The following PLEKHA2 variants were observed in gnomAD, a reference collection of about 807,000 sequenced individuals.
PLEKHA2 encodes the protein pleckstrin homology domain-containing family A member 2.
PLEKHA2 carries 28 observed loss-of-function variants against 53.2 expected under a neutral mutation model. The observed-to-expected ratio is 0.53, with a 90% CI of 0.39 to 0.72. The LOEUF is 0.72. Ranked by LOEUF, PLEKHA2 falls within the 30% of genes least tolerant of loss-of-function variation. PLEKHA2 has a pLI of 0.00. For missense variants in PLEKHA2, 426 were observed against 537.9 expected (o/e 0.79, Z 2.06); for synonymous variants, 193 against 196.4 (o/e 0.98, Z 0.14).
intron 2 of PLEKHA2, among the ~76,000 whole-genome samples, chr8:38,933,451 G>C (rs756492197): frequency 6.6e-6 from 1 of 152,164 alleles, no homozygotes; most frequent in Non-Finnish European, 1.5e-5. Flanking sequence ...TGCATTGAAA[G>C]TCAGCTTTGG....
At chr8:38,929,012 A>G (rs1046521889) in intron 2 of PLEKHA2, among the ~76,000 whole-genome samples, 3 of 152,190 alleles carry the variant, frequency 2.0e-5, no homozygotes, top group Admixed American at 1.3e-4. Flanking sequence ...CCTCCTTCCC[A>G]GTCCTGTCAC....
chr8:38,906,721 A>G (rs1329633523), intron 1 of PLEKHA2, among the ~76,000 whole-genome samples: 1 of 152,156 alleles, frequency 6.6e-6, no homozygotes, highest in African/African-American at 2.4e-5. Flanking sequence ...CCTAAGTTAT[A>G]ATCTTTGACC....
rs1390692942 is a variant in PLEKHA2, at chr8:38,968,677, A to G, written c.915+8A>G. 1 of 1,613,848 alleles carries G rather than the reference A, an allele frequency of 6.2e-7. No individual in the cohort carries two copies. Among genetic ancestry groups the G allele is most frequent in the South Asian group, 1.1e-5 (1 of 91,084 alleles). On this transcript the variant is annotated splice_region_variant and intron_variant, in intron 11 of 11. Transcript: ENST00000617275. ...CTCAAGTGCCACCCCAGAGTAAGTC[A>G]CTTCCTTTCTGTTGCACAGTGTCAA... is the stretch of plus-strand genomic sequence containing the variant.
chr8:38,968,647 A>C lies in PLEKHA2; in HGVS notation c.893A>C (p.Gln298Pro), dbSNP rs770587107. The C allele has an allele frequency of 6.2e-7, 1 of 1,614,038 alleles. No homozygotes were observed. The highest frequency in any genetic ancestry group is 1.1e-5 in the South Asian group (1 of 91,088). Residue 298 changes from glutamine to proline, a missense_variant, in exon 11 of 12, where the codon CAG (glutamine) becomes CCG (proline). By Grantham distance (76) the Gln-to-Pro change is moderately conservative. Transcript: ENST00000617275. ...SWIKEIGAAVQALKCHPRETS... is the reference protein window; with the variant it reads ...SWIKEIGAAVPALKCHPRETS... ...ATTAAGGAGATTGGCGCAGCTGTCC[A>C]GGCCCTCAAGTGCCACCCCAGAGTA...
chr8:38,942,223 G>C (rs768523374), intron 3 of PLEKHA2, among the ~76,000 whole-genome samples: 1 of 151,940 alleles, frequency 6.6e-6, no homozygotes, highest in South Asian at 2.1e-4. Context: ...ACAACATAGC[G>C]AGACCCCATC....
At chr8:38,939,603 C>G (rs1834561949) in intron 3 of PLEKHA2, among the ~76,000 whole-genome samples, 1 of 152,242 alleles carries the variant, frequency 6.6e-6, no homozygotes, top group Admixed American at 6.5e-5. Flanking sequence ...ACATGGGTAG[C>G]ATTCTCACAG....
chr8:38,908,297 A>G (rs1349399084), intron 1 of PLEKHA2, among the ~76,000 whole-genome samples: 1 of 152,210 alleles, frequency 6.6e-6, no homozygotes, highest in Non-Finnish European at 1.5e-5. Flanking sequence ...AAGAAACCCA[A>G]ACAGCTTGGA....
At chr8:38,963,108 T>C (rs565483047) in intron 10 of PLEKHA2, among the ~76,000 whole-genome samples, 12 of 152,372 alleles carry the variant, frequency 7.9e-5, no homozygotes, top group African/African-American at 2.2e-4. Context: ...GTATCTATTA[T>C]AGTGCTGGGC....
At chr8:38,952,048 C>A in intron 6 of PLEKHA2, 118 bp from the exon 7 acceptor site, 1 of 1,296,688 alleles carries the variant, frequency 7.7e-7, no homozygotes. Context: ...CTGTGCCCAC[C>A]ATTTATTTCT....
At chr8:38,909,013 C>G (rs948314153) in intron 1 of PLEKHA2, among the ~76,000 whole-genome samples, 2 of 152,038 alleles carry the variant, frequency 1.3e-5, no homozygotes, top group African/African-American at 4.8e-5. Flanking sequence ...CGTGGTGGTG[C>G]ACGCCTGTAG....
chr8:38,908,646 C>T (rs757592914), intron 1 of PLEKHA2, among the ~76,000 whole-genome samples: 1 of 152,084 alleles, frequency 6.6e-6, no homozygotes, highest in Non-Finnish European at 1.5e-5. Context: ...GTTTTGGTGA[C>T]TATATATCTG....
chr8:38,941,751 A>G (rs1198175717), intron 3 of PLEKHA2, among the ~76,000 whole-genome samples: 3 of 152,224 alleles, frequency 2.0e-5, no homozygotes, highest in Admixed American at 1.3e-4. Flanking sequence ...CTGCACTATC[A>G]TATTTAACCC....
chr8:38,928,894 A>G (rs1416680714), intron 2 of PLEKHA2, among the ~76,000 whole-genome samples: 1 of 152,182 alleles, frequency 6.6e-6, no homozygotes, highest in Non-Finnish European at 1.5e-5. Context: ...AGCAGCAGGT[A>G]GAGCCACGGC....
At chr8:38,905,165 T>G (rs552809663) in intron 1 of PLEKHA2, among the ~76,000 whole-genome samples, 1 of 152,188 alleles carries the variant, frequency 6.6e-6, no homozygotes, top group African/African-American at 2.4e-5. Flanking sequence ...CCCTCAAAAA[T>G]ACTCATATTG....
At chr8:38,908,723 C>T (rs1179093915) in intron 1 of PLEKHA2, among the ~76,000 whole-genome samples, 2 of 152,132 alleles carry the variant, frequency 1.3e-5, no homozygotes, top group Non-Finnish European at 2.9e-5. Context: ...ATATTATGTA[C>T]CATTTCATAT....
Position 38,913,863 on chromosome 8 carries a change from T to A in PLEKHA2, c.-23-4044T>A, listed in dbSNP as rs192776260. On this transcript the variant is annotated intron_variant, in intron 1 of 11. Transcript: ENST00000617275. Reference sequence around the variant, plus strand: ...CATTACTGGCTTGTGCCCATCTCTCTCCTGTTTCTGAACTCAAACTTGCTC... The same window carrying A: ...CATTACTGGCTTGTGCCCATCTCTCACCTGTTTCTGAACTCAAACTTGCTC... 9.8e-4 allele frequency among the ~76,000 whole-genome samples: 149 copies of A among 152,282 alleles called. 2 individuals carry two copies. The highest frequency in any genetic ancestry group is 6.6e-3 in the South Asian group (32 of 4,822).
chr8:38,970,065 T>C lies in PLEKHA2; in HGVS notation c.*282T>C, dbSNP rs1197985130. The C allele has an allele frequency of 1.9e-6, 1 of 528,418 alleles. No homozygotes were observed. The highest frequency in any genetic ancestry group is 3.3e-6 in the Non-Finnish European group (1 of 305,242). The allele number at this position is 528,418 out of a possible 1,614,324, so 32.7% of individuals were successfully genotyped here. A position where few individuals can be genotyped will look rare whatever the true frequency, so the allele number is the denominator to read the frequency against. ...GTGGAGAGGAAGCTACCTATTCTATTCTAACTATTCTGAGGTCTTCCTGGA... is the reference window on the plus strand; with the variant it reads ...GTGGAGAGGAAGCTACCTATTCTATCCTAACTATTCTGAGGTCTTCCTGGA... On this transcript the variant is annotated 3_prime_UTR_variant, in exon 12 of 12. Transcript: ENST00000617275.
intron 2 of PLEKHA2, among the ~76,000 whole-genome samples, chr8:38,929,661 GC>G (rs1437925147): frequency 6.6e-6 from 1 of 152,196 alleles, no homozygotes; most frequent in Non-Finnish European, 1.5e-5. Context: ...AGCATGTCTG[GC>G]GCATCATAAT....
chr8:38,913,336 C>A (rs1354829817), intron 1 of PLEKHA2, among the ~76,000 whole-genome samples: 1 of 149,916 alleles, frequency 6.7e-6, no homozygotes, highest in African/African-American at 2.5e-5. Flanking sequence ...TGCACTCCAG[C>A]CTGGGTGACA....
Sources: gnomAD v4.1 joint callset for allele counts (sites outside exome capture counted in the v4.1 genomes callset) on GRCh38, gnomAD v4.1.1 for gene constraint, MANE v1.5 for transcripts, NCBI Gene and HGNC (gene_info 2026-07-23, HGNC 2026-07-21) for gene names.